The following SEMA6D variants were observed in gnomAD, a reference collection of about 807,000 sequenced individuals.
SEMA6D encodes the protein semaphorin-6D.
SEMA6D carries 35 observed loss-of-function variants against 106.6 expected under a neutral mutation model. The observed-to-expected ratio is 0.33, with a 90% confidence interval of 0.25 to 0.44. SEMA6D has a LOEUF of 0.44. SEMA6D is among the 20% of genes least tolerant of loss of function. SEMA6D has a pLI of 1.00. For missense variants in SEMA6D, 1,185 were observed against 1,345.9 expected, an observed-to-expected ratio of 0.88 and a Z score of 1.87; for synonymous variants, 499 against 487.7, an observed-to-expected ratio of 1.02 and a Z score of -0.31.
chr15:47,436,575 C>T (rs942299335), intron 2 of SEMA6D, among the ~76,000 whole-genome samples: 1 of 150,142 alleles, frequency 6.7e-6, no homozygotes. Context: ...GTTTAATGTT[C>T]TTAATTTTAT....
intron 18 of SEMA6D, among the ~76,000 whole-genome samples, chr15:47,770,154 A>C (rs2082552102): frequency 1.3e-5 from 2 of 152,216 alleles, no homozygotes; most frequent in Non-Finnish European, 2.9e-5. Context: ...ATGAGTTTAA[A>C]GTTAGCTATT....
At chr15:47,420,746 A>G (rs1390813880) in intron 2 of SEMA6D, among the ~76,000 whole-genome samples, 2 of 152,154 alleles carry the variant, frequency 1.3e-5, no homozygotes, top group Non-Finnish European at 2.9e-5. Flanking sequence ...TGGAGGCACT[A>G]CCTATGATCA....
rs368280744 is a variant in SEMA6D, at chr15:47,412,740, T to C, written c.-159+268T>C. ...CTAAGTGGAGGAAATGGTTTCCATT[T>C]TGAACAATGAAACTACGTGTATTCA... is the stretch of plus-strand genomic sequence containing the variant. On this transcript the variant is annotated intron_variant, in intron 2 of 19. Transcript: ENST00000558014. Among the ~76,000 whole-genome samples the C allele has an allele frequency of 2.6e-3, 394 of 152,304 alleles. 9 individuals are homozygous for C. The East Asian group carries it at 0.041, about 16-fold the overall frequency.
At chr15:47,259,591 G>T (rs575960539) in intron 1 of SEMA6D, among the ~76,000 whole-genome samples, 1 of 151,862 alleles carries the variant, frequency 6.6e-6, no homozygotes, top group Non-Finnish European at 1.5e-5. Context: ...TTTCTCTGTG[G>T]CTGCTTTCAA....
intron 3 of SEMA6D, among the ~76,000 whole-genome samples, chr15:47,485,647 T>C (rs1455204060): frequency 6.6e-6 from 1 of 152,130 alleles, no homozygotes; most frequent in Non-Finnish European, 1.5e-5. Context: ...CCAGAACTGA[T>C]GACACATTGC....
chr15:47,610,881 C>G (rs901861336), intron 4 of SEMA6D, among the ~76,000 whole-genome samples: 2 of 152,144 alleles, frequency 1.3e-5, no homozygotes, highest in African/African-American at 4.8e-5. Context: ...ACTACTGTAG[C>G]TCATTTTGAA....
intron 1 of SEMA6D, among the ~76,000 whole-genome samples, chr15:47,367,716 ACACACACACAC>A (rs1567031233): frequency 1.4e-5 from 2 of 146,244 alleles, no homozygotes; most frequent in African/African-American, 5.3e-5. Context: ...ACACACACAC[ACACACACACAC>A]AGAGAGAGAG....
At chr15:47,570,036 CG>C (rs11354865) in intron 3 of SEMA6D, among the ~76,000 whole-genome samples, 66,103 of 150,920 alleles carry the variant, frequency 0.44, 15,578 homozygotes, top group Non-Finnish European at 0.53. Flanking sequence ...ACTCCCAGCC[CG>C]GGCAACAGAG....
intron 1 of SEMA6D, among the ~76,000 whole-genome samples, chr15:47,305,336 C>A (rs998890128): frequency 1.3e-5 from 2 of 152,072 alleles, no homozygotes; most frequent in East Asian, 1.9e-4. Flanking sequence ...CTGGTGATCA[C>A]GAAATGATTA....
At chr15:47,422,424 A>G (rs1363839128) in intron 2 of SEMA6D, among the ~76,000 whole-genome samples, 1 of 152,042 alleles carries the variant, frequency 6.6e-6, no homozygotes, top group African/African-American at 2.4e-5. Context: ...ACAGTTGGGT[A>G]TTCCATGTCA....
chr15:47,562,091 A>T (rs1030175361), intron 3 of SEMA6D, among the ~76,000 whole-genome samples: 1 of 152,062 alleles, frequency 6.6e-6, no homozygotes, highest in East Asian at 1.9e-4. Context: ...AGTCATAAAA[A>T]CAGATAATTC....
intron 1 of SEMA6D, among the ~76,000 whole-genome samples, chr15:47,296,747 T>C (rs1184696403): frequency 6.6e-6 from 1 of 152,188 alleles, no homozygotes; most frequent in Non-Finnish European, 1.5e-5. Flanking sequence ...CTGCCATAAA[T>C]ATTCACACAA....
chr15:47,249,370 A>G (rs1294089532), intron 1 of SEMA6D, among the ~76,000 whole-genome samples: 1 of 152,110 alleles, frequency 6.6e-6, no homozygotes, highest in Non-Finnish European at 1.5e-5. Flanking sequence ...ATGAGTGCCT[A>G]GTCTCTGCAG....
intron 2 of SEMA6D, among the ~76,000 whole-genome samples, chr15:47,414,300 T>C (rs1158126784): frequency 6.6e-6 from 1 of 152,196 alleles, no homozygotes; most frequent in Non-Finnish European, 1.5e-5. Context: ...CACCAAAGCC[T>C]AACTTCTATA....
intron 1 of SEMA6D, among the ~76,000 whole-genome samples, chr15:47,314,872 T>C (rs2036593999): frequency 1.4e-5 from 1 of 70,222 alleles, no homozygotes; most frequent in Non-Finnish European, 3.5e-5. Flanking sequence ...TTTTTTTTTT[T>C]TTTTTTTTTT....
intron 1 of SEMA6D, among the ~76,000 whole-genome samples, chr15:47,347,166 C>G (rs1242304682): frequency 8.5e-5 from 13 of 152,118 alleles, no homozygotes. Flanking sequence ...CCTCAGCCTC[C>G]CAAAGTGCTG....
chr15:47,481,885 C>A (rs1334150628), intron 3 of SEMA6D, among the ~76,000 whole-genome samples: 6 of 152,244 alleles, frequency 3.9e-5, no homozygotes, highest in Non-Finnish European at 7.4e-5. Flanking sequence ...TAGAGTGGAA[C>A]TGTGTCTCAC....
intron 1 of SEMA6D, among the ~76,000 whole-genome samples, chr15:47,258,739 G>T (rs969249588): frequency 6.6e-6 from 1 of 152,000 alleles, no homozygotes; most frequent in East Asian, 1.9e-4. Context: ...TCTCTGCTCC[G>T]TAATTGTGTG....
intron 1 of SEMA6D, among the ~76,000 whole-genome samples, chr15:47,257,150 C>G (rs1017616916): frequency 5.9e-5 from 9 of 151,604 alleles, no homozygotes; most frequent in Non-Finnish European, 1.0e-4. Flanking sequence ...CTCTGCCTCC[C>G]GGGTTCATGC....
Sources: allele counts gnomAD v4.1 joint callset (sites outside exome capture counted in the v4.1 genomes callset), GRCh38; gene constraint gnomAD v4.1.1; transcripts MANE v1.5; gene names NCBI Gene and HGNC (gene_info 2026-07-23, HGNC 2026-07-21).